The following RELCH variants were observed in gnomAD, a reference collection of about 807,000 sequenced individuals.
RELCH encodes the protein RAB11-binding protein RELCH.
A neutral mutation model predicts 150.3 loss-of-function variants in RELCH; 41 were observed. The ratio of observed to expected loss-of-function variants is 0.27; its 90% confidence interval spans 0.21 to 0.35. RELCH has a LOEUF of 0.35. RELCH is among the 10% of genes least tolerant of loss of function. RELCH has a pLI of 1.00. For synonymous variants in RELCH, 478 were observed against 531.8 expected, an observed-to-expected ratio of 0.90 and a Z score of 1.39; for missense variants, 1,092 against 1,467.8, an observed-to-expected ratio of 0.74 and a Z score of 4.18.
At chr18:62,255,543 TG>T in intron 13 of RELCH, 65 bp downstream of exon 13, 1 of 1,139,146 alleles carries the variant, frequency 8.8e-7, no homozygotes, top group Non-Finnish European at 1.3e-6. Flanking sequence ...TTTTTTTGAG[TG>T]TCTTATAGAT....
At chr18:62,277,663 C>G (rs2044285741) in intron 22 of RELCH, 1 of 976,160 alleles carries the variant, frequency 1.0e-6, no homozygotes, top group Admixed American at 6.2e-5. Context: ...AGGGTATGGT[C>G]ACTGAAATTC....
Position 62,286,322 on chromosome 18 carries a change from G to C in RELCH, c.3254-1029G>C, listed in dbSNP as rs7238079. On this transcript the variant is annotated intron_variant, in intron 25 of 28. Transcript: ENST00000644646. Reference sequence around the variant, plus strand: ...TTTTTGTTTCCTAATTTGTTCTAGAGCTCCTCATAAATATACTGTTATTAA... The same window carrying C: ...TTTTTGTTTCCTAATTTGTTCTAGACCTCCTCATAAATATACTGTTATTAA... Among the ~76,000 whole-genome samples, 464 of 152,082 alleles carry C rather than the reference G, an allele frequency of 3.1e-3. 2 individuals are homozygous for C. The highest frequency in any genetic ancestry group is 0.011 in the African/African-American group (438 of 41,472).
intron 1 of RELCH, among the ~76,000 whole-genome samples, chr18:62,210,870 A>C (rs1408351108): frequency 3.3e-5 from 5 of 152,106 alleles, no homozygotes; most frequent in African/African-American, 1.2e-4. Flanking sequence ...TGGCAGCTCA[A>C]ACTTCTGTTT....
Position 62,248,804 on chromosome 18 carries a change from G to A in RELCH, c.1734-3860G>A, listed in dbSNP as rs547356685. ...CTAGTCCTGAGTCTAATACCCACAA[G>A]TAAAGATGCCTGAGTTGAGCATCTA... On this transcript the variant is annotated intron_variant, in intron 11 of 28. Coordinates refer to ENST00000644646, the MANE Select transcript of RELCH (RefSeq NM_001346231.2). 2.2e-4 allele frequency among the ~76,000 whole-genome samples: 34 copies of A among 152,300 alleles called. 1 individual carries two copies. In the South Asian group the frequency reaches 6.6e-3, roughly 30 times the overall value.
At chr18:62,279,107 C>T (rs183373764) in intron 22 of RELCH, among the ~76,000 whole-genome samples, 4 of 152,004 alleles carry the variant, frequency 2.6e-5, no homozygotes, top group Admixed American at 6.6e-5. Context: ...AGAAAACTTG[C>T]GTTTCAAGAG....
At chr18:62,222,304 A>G (rs1411965499) in intron 5 of RELCH, among the ~76,000 whole-genome samples, 2 of 151,952 alleles carry the variant, frequency 1.3e-5, no homozygotes, top group African/African-American at 4.8e-5. Context: ...TTTTTATTCA[A>G]TGGTAGTGTC....
rs376702378 is a variant in RELCH, at chr18:62,232,361, C to T, written c.1554C>T (p.Ser518=). The change falls in exon 10 of 29, where the codon AGC becomes AGT. Residue 518 remains serine, a synonymous_variant. Transcript: ENST00000644646. ...EVSRIADSEK[S]VMLMLGRCLP... ...CTCGTATTGCAGACAGTGAAAAAAGCGTTATGTTAATGCTGGGACGCTGCC... is the reference window on the plus strand; with the variant it reads ...CTCGTATTGCAGACAGTGAAAAAAGTGTTATGTTAATGCTGGGACGCTGCC... 3.2e-5 allele frequency: 52 copies of T among 1,611,232 alleles called. No individual in the cohort carries two copies. The highest frequency in any genetic ancestry group is 4.2e-5 in the Non-Finnish European group (50 of 1,178,176).
rs115235314 is a variant in RELCH, at chr18:62,191,636, C to T, written c.526+3605C>T. On this transcript the variant is annotated intron_variant, in intron 1 of 28. Coordinates refer to ENST00000644646, the MANE Select transcript of RELCH (RefSeq NM_001346231.2). ...GCTCCTACTTATATATGAGAACATA[C>T]GGTGTTTGGTTTTCTGTTTCTGTGT... Among the ~76,000 whole-genome samples, 549 of 152,242 alleles carry T rather than the reference C, an allele frequency of 3.6e-3. 1 individual carries two copies. Among genetic ancestry groups the T allele is most frequent in the African/African-American group, 0.011 (440 of 41,540 alleles).
chr18:62,271,163 C>T (rs866422950), intron 20 of RELCH, among the ~76,000 whole-genome samples: 13 of 152,176 alleles, frequency 8.5e-5, no homozygotes, highest in African/African-American at 1.9e-4. Context: ...TGAGGAATTG[C>T]CACACTGTCT....
intron 17 of RELCH, among the ~76,000 whole-genome samples, 163 bp from the exon 18 acceptor site, chr18:62,264,566 G>A (rs147100598): frequency 6.6e-6 from 1 of 152,128 alleles, no homozygotes; most frequent in African/African-American, 2.4e-5. Flanking sequence ...AGTCTATACA[G>A]TATAATGTAA....
intron 1 of RELCH, among the ~76,000 whole-genome samples, chr18:62,200,705 C>G (rs754964641): frequency 2.6e-5 from 4 of 151,856 alleles, no homozygotes; most frequent in Admixed American, 2.6e-4. Context: ...CTATACCAAG[C>G]CTTCCAAATA....
chr18:62,268,839 T>G, intron 19 of RELCH, 30 bp from the exon 20 acceptor site: 1 of 1,161,368 alleles, frequency 8.6e-7, no homozygotes, highest in Non-Finnish European at 1.2e-6. Context: ...AATATACTTA[T>G]GTTTTTTTAA....
At chr18:62,255,499 TTC>T in intron 13 of RELCH, 21 bp downstream of exon 13, 1 of 1,547,846 alleles carries the variant, frequency 6.5e-7, no homozygotes, top group Non-Finnish European at 8.8e-7. Flanking sequence ...CTTTTTTTTT[TTC>T]TTTAAACTAT....
intron 12 of RELCH, 148 bp downstream of exon 12, chr18:62,252,902 C>T: frequency 1.6e-6 from 1 of 633,646 alleles, no homozygotes; most frequent in Non-Finnish European, 2.8e-6. Context: ...TTTATTAGTA[C>T]TTACGAATGC....
intron 5 of RELCH, among the ~76,000 whole-genome samples, chr18:62,221,976 T>C (rs1253521324): frequency 6.6e-6 from 1 of 151,978 alleles, no homozygotes; most frequent in Admixed American, 6.6e-5. Flanking sequence ...TTTTAGAACT[T>C]TATTATTATT....
intron 7 of RELCH, 21 bp from the exon 8 acceptor site, chr18:62,228,284 T>G (rs778119092): frequency 6.3e-7 from 1 of 1,582,902 alleles, no homozygotes; most frequent in South Asian, 1.2e-5. Flanking sequence ...TGGTGATTTC[T>G]CTTAATTTCT....
chr18:62,258,573 A>G lies in RELCH; in HGVS notation c.2099A>G (p.His700Arg). 6.2e-7 allele frequency: 1 copy of G among 1,606,322 alleles called. No individual in the cohort carries two copies. The highest frequency in any genetic ancestry group is 1.1e-5 in the South Asian group (1 of 89,578). ...TCAGAAAGAGTAGTTAGTGCTACAC[A>G]TCAAGTATTTTTACCAGCTTACGCT... The part of the protein sequence containing the change: ...DPSERVVSAT[H>R]QVFLPAYAAW... Residue 700 changes from histidine to arginine, a missense_variant, in exon 15 of 29, where the codon CAT becomes CGT. By Grantham distance (29) the His-to-Arg change is conservative (BLOSUM62 0). Transcript: ENST00000644646.
chr18:62,252,629 T>C (rs756004847), intron 11 of RELCH, 35 bp from the exon 12 acceptor site: 3 of 1,540,724 alleles, frequency 1.9e-6, no homozygotes, highest in Non-Finnish European at 2.7e-6. Flanking sequence ...TGCTTTCTCA[T>C]GCAAATACAA....
At chr18:62,235,636 A>G (rs78274856) in intron 10 of RELCH, among the ~76,000 whole-genome samples, 21,792 of 151,868 alleles carry the variant, frequency 0.14, 1,856 homozygotes, top group African/African-American at 0.24. Context: ...AATATTTTGT[A>G]ATTTTTAGTA....
Sources: allele counts gnomAD v4.1 joint callset (sites outside exome capture counted in the v4.1 genomes callset), GRCh38; gene constraint gnomAD v4.1.1; transcripts MANE v1.5; gene names NCBI Gene and HGNC (gene_info 2026-07-23, HGNC 2026-07-21).